The following ZNF790 variants were observed in gnomAD, a reference collection of about 807,000 sequenced individuals.
The protein encoded by ZNF790 is zinc finger protein 790.
ZNF790 carries 8 observed loss-of-function variants against 12.1 expected under a neutral mutation model. The ratio of observed to expected loss-of-function variants is 0.66; its 90% CI spans 0.39 to 1.19. The LOEUF (loss-of-function observed/expected upper bound fraction) is 1.19, where lower values mean the gene tolerates loss of function less well. Among genes scored for constraint, ZNF790 ranks in the 50% most tolerant of loss-of-function variants. The pLI, the probability that ZNF790 is intolerant of heterozygous loss-of-function variation, is 0.01. For synonymous variants in ZNF790, 252 were observed against 244.3 expected (o/e 1.03, Z -0.29); for missense variants, 707 against 752.2 (o/e 0.94, Z 0.70).
intron 1 of ZNF790, among the ~76,000 whole-genome samples, chr19:36,827,141 C>CACACACAT (rs1313807327): frequency 1.3e-3 from 107 of 84,432 alleles, no homozygotes; most frequent in African/African-American, 5.4e-3. Context: ...CACACACACA[C>CACACACAT]ATATATATAT....
At position 36,819,684 on chromosome 19, in the gene ZNF790, G is replaced by A; in HGVS notation, c.660C>T (p.His220=). 1 of 1,612,910 alleles carries A rather than the reference G, an allele frequency of 6.2e-7. No individual in the cohort carries two copies. The highest frequency in any genetic ancestry group is 1.1e-5 in the South Asian group (1 of 91,008). Reference sequence around the variant, plus strand: ...TACATTCATATGTTTTCTTAACAGTGTGAACTGTCTGATATTGAATAACTT... The same window carrying A: ...TACATTCATATGTTTTCTTAACAGTATGAACTGTCTGATATTGAATAACTT... ...DSEVIQYQTV[H]TVKKTYECKE... Residue 220 remains histidine (H), a synonymous_variant, in exon 5 of 5, where the codon CAC becomes CAT. Transcript: ENST00000356725.
At position 36,819,085 on chromosome 19, in the gene ZNF790, T is replaced by G. The variant is rs1334810952; in HGVS notation, c.1259A>C (p.Lys420Thr). The G allele has an allele frequency of 6.2e-7, 1 of 1,613,906 alleles. No individual in the cohort carries two copies. The highest frequency in any genetic ancestry group is 2.2e-5 in the East Asian group (1 of 44,872). Reference protein sequence around the residue: ...ARHQRIHTGRKPYECKQCGKT... With the variant: ...ARHQRIHTGRTPYECKQCGKT... ...CCCGCATTGCTTACATTCATAAGGT[T>G]TCCTGCCAGTATGAATTCGCTGATG... The change falls in exon 5 of 5, where the codon AAA (lysine) becomes ACA (threonine). Residue 420 changes from lysine (K) to threonine (T), a missense_variant. Transcript: ENST00000356725.
At chr19:36,850,088 C>T (rs1415736473) in exon 1 of ZNF790, 1 of 152,360 alleles carries the variant, frequency 6.6e-6, no homozygotes, top group Non-Finnish European at 1.5e-5. Context: ...TTGGGGTGCG[C>T]TCTCCCGGCT....
At chr19:36,825,289 T>G (rs1231784724) in intron 2 of ZNF790, among the ~76,000 whole-genome samples, 1 of 152,242 alleles carries the variant, frequency 6.6e-6, no homozygotes, top group East Asian at 1.9e-4. Context: ...GTATGTCCCC[T>G]TTAATTATTC....
At chr19:36,827,645 C>T (rs892064476) in intron 1 of ZNF790, 2 of 152,158 alleles carry the variant, frequency 1.3e-5, no homozygotes, top group African/African-American at 4.8e-5. Flanking sequence ...ACTTTTCCTC[C>T]ACAGGGGCTC....
At chr19:36,829,689 T>C (rs2071907322) in intron 1 of ZNF790, among the ~76,000 whole-genome samples, 1 of 152,160 alleles carries the variant, frequency 6.6e-6, no homozygotes, top group Non-Finnish European at 1.5e-5. Flanking sequence ...TGCCTCAGCC[T>C]CCCGAGTAGC....
chr19:36,848,462 G>A (rs1405206459), intron 1 of ZNF790, among the ~76,000 whole-genome samples: 1 of 152,218 alleles, frequency 6.6e-6, no homozygotes, highest in South Asian at 2.1e-4. Context: ...CATTGGTGGG[G>A]TAAACATACA....
intron 1 of ZNF790, among the ~76,000 whole-genome samples, chr19:36,843,952 A>G (rs957840986): frequency 1.3e-5 from 2 of 149,290 alleles, no homozygotes; most frequent in Non-Finnish European, 3.0e-5. Context: ...GGGTGCAGTG[A>G]GCCGAGATTG....
intron 2 of ZNF790, among the ~76,000 whole-genome samples, chr19:36,824,686 A>G (rs910220836): frequency 6.6e-6 from 1 of 152,184 alleles, no homozygotes; most frequent in Non-Finnish European, 1.5e-5. Context: ...CAGACATCAT[A>G]GGAGTTTTTT....
chr19:36,847,870 C>T (rs2072194858), intron 1 of ZNF790, among the ~76,000 whole-genome samples: 2 of 152,136 alleles, frequency 1.3e-5, no homozygotes, highest in African/African-American at 4.8e-5. Context: ...CCCTTCAGTA[C>T]CTTCTGACAT....
At position 36,823,732 on chromosome 19, in the gene ZNF790, T is replaced by C; in HGVS notation, c.68A>G (p.Asp23Gly). Reference protein sequence around the residue: ...DFSQEEWECLDLEQRDLYRDV... With the variant: ...DFSQEEWECLGLEQRDLYRDV... ...TCTATATAAATCCCTCTGTTCCAGG[T>C]CCAGGCACTCCCACTCCTCCTGAGA... Residue 23 changes from aspartate (D) to glycine (G), a missense_variant, in exon 3 of 5, where the codon GAC becomes GGC. Physicochemically the swap from Asp to Gly is moderately conservative, Grantham distance 94. Transcript: ENST00000356725. The C allele has an allele frequency of 6.2e-7, 1 of 1,613,580 alleles. No homozygotes were observed.
upstream of ZNF790, among the ~76,000 whole-genome samples, chr19:36,841,832 T>C: frequency 8.8e-6 from 1 of 113,522 alleles, no homozygotes; most frequent in Non-Finnish European, 1.7e-5. Context: ...CTGGAGGACA[T>C]AGCAAGACTC....
chr19:36,819,368 TAA>T lies in ZNF790; in HGVS notation c.974_975del (p.Leu325HisfsTer2), dbSNP rs2071615113. On this transcript the variant is annotated frameshift_variant, in exon 5 of 5. Transcript: ENST00000356725. LOFTEE classifies it low-confidence loss of function (END_TRUNC). ...CCAGTGTGAATTCTCTGATGTTTAA[TAA>T]GATGTGATCGCTGACTAAAGGCCTT... ...CRKAFSQRSHLIKHQRIHTGE... is the reference protein window; with the variant it reads ...CRKAFSQRSHXIKHQRIHTGE... The T allele has an allele frequency of 1.9e-6, 3 of 1,613,108 alleles. No homozygotes were observed. The highest frequency in any genetic ancestry group is 2.7e-5 in the African/African-American group (2 of 74,886).
At chr19:36,836,465 C>T (rs536580465) in intron 1 of ZNF790, among the ~76,000 whole-genome samples, 76 of 151,844 alleles carry the variant, frequency 5.0e-4, no homozygotes, top group African/African-American at 1.7e-3. Context: ...AAAAAAAACA[C>T]ACACACACAC....
intron 1 of ZNF790, among the ~76,000 whole-genome samples, chr19:36,833,984 T>C (rs1054621301): frequency 3.9e-5 from 6 of 152,206 alleles, no homozygotes; most frequent in Non-Finnish European, 8.8e-5. Context: ...GGCTTATGCC[T>C]GTAATTCCAG....
At position 36,819,997 on chromosome 19, in the gene ZNF790, C is replaced by T. The variant is rs1380623391; in HGVS notation, c.347G>A (p.Cys116Tyr). 5 of 1,613,834 alleles carry T rather than the reference C, an allele frequency of 3.1e-6. No individual in the cohort carries two copies. In the East Asian group the frequency reaches 6.7e-5, roughly 22 times the overall value. ...GTTGCCTTCCCAGTCACCTCTAAAACATAAACAGTCAAGGCTGTGGTTTTT... is the reference window on the plus strand; with the variant it reads ...GTTGCCTTCCCAGTCACCTCTAAAATATAAACAGTCAAGGCTGTGGTTTTT... ...ICKNHSLDCL[C>Y]FRGDWEGNTQ... The change falls in exon 5 of 5, where the codon TGT (cysteine) becomes TAT (tyrosine). Residue 116 changes from cysteine to tyrosine, a missense_variant. Coordinates refer to ENST00000356725, the MANE Select transcript of ZNF790 (RefSeq NM_206894.4).
intron 1 of ZNF790, among the ~76,000 whole-genome samples, chr19:36,846,586 A>G (rs2072183353): frequency 6.6e-6 from 1 of 152,108 alleles, no homozygotes; most frequent in Non-Finnish European, 1.5e-5. Context: ...AGCTCAATGA[A>G]TATCTGCTGA....
chr19:36,836,790 T>TA (rs1327402223), intron 1 of ZNF790, among the ~76,000 whole-genome samples: 4 of 152,010 alleles, frequency 2.6e-5, no homozygotes, highest in African/African-American at 7.2e-5. Flanking sequence ...CTGAAGCCCC[T>TA]ACCCAACAAT....
Position 36,821,450 on chromosome 19 carries a change from A to G in ZNF790, c.230-1336T>C, listed in dbSNP as rs543054092. Among the ~76,000 whole-genome samples, 107 of 152,316 alleles carry G rather than the reference A, an allele frequency of 7.0e-4. 2 individuals are homozygous for G. The highest frequency in any genetic ancestry group is 4.2e-3 in the Admixed American group (64 of 15,292). On this transcript the variant is annotated intron_variant, in intron 4 of 4. Transcript: ENST00000356725. ...CAGAGGTTTGTTGCAAGGATTGGGA[A>G]TAATACGCTATTTCTATTAAGTGCC...
Sources: allele counts gnomAD v4.1 joint callset (sites outside exome capture counted in the v4.1 genomes callset), GRCh38; gene constraint gnomAD v4.1.1; transcripts MANE v1.5; gene names NCBI Gene and HGNC (gene_info 2026-07-23, HGNC 2026-07-21).